Variants in ARFGEF1 observed in about 807,000 individuals in gnomAD.
The protein encoded by ARFGEF1 is brefeldin A-inhibited guanine nucleotide-exchange protein 1.
In ARFGEF1, 42 loss-of-function variants were observed where a neutral mutation model predicts 231.0. That is an observed-to-expected ratio of 0.18 (90% CI 0.14 to 0.24). The LOEUF (loss-of-function observed/expected upper bound fraction) is 0.24, where lower values mean the gene tolerates loss of function less well. Ranked by LOEUF, ARFGEF1 falls within the 10% of genes least tolerant of loss-of-function variation. The probability of loss-of-function intolerance (pLI) is 1.00; values close to 1 mark genes in which losing one functional copy is unlikely to be tolerated. For synonymous variants in ARFGEF1, 710 were observed against 732.3 expected, an observed-to-expected ratio of 0.97 and a Z score of 0.49; for missense variants, 1,345 against 2,192.0, an observed-to-expected ratio of 0.61 and a Z score of 7.72.
intron 5 of ARFGEF1, among the ~76,000 whole-genome samples, chr8:67,181,076 C>T (rs371300709): frequency 1.1e-4 from 17 of 151,564 alleles, no homozygotes; most frequent in South Asian, 6.2e-4. Flanking sequence ...CTTGCTCTGT[C>T]GCCCAGGCTG....
chr8:67,227,048 AT>A (rs1174111660), intron 27 of ARFGEF1, 88 bp downstream of exon 27: 2 of 1,256,656 alleles, frequency 1.6e-6, no homozygotes, highest in Non-Finnish European at 2.2e-6. Flanking sequence ...AAAGGCCATA[AT>A]CTTATTGTTA....
chr8:67,333,776 A>T (rs1256827765), intron 1 of ARFGEF1, among the ~76,000 whole-genome samples: 1 of 152,166 alleles, frequency 6.6e-6, no homozygotes, highest in Non-Finnish European at 1.5e-5. Flanking sequence ...AAAAATTCCG[A>T]ATCTCATCTC....
chr8:67,238,597 T>C lies in ARFGEF1; in HGVS notation c.3139-104A>G, dbSNP rs1352454951. The C allele has an allele frequency of 2.8e-6, 4 of 1,415,800 alleles. No individual in the cohort carries two copies. In the East Asian group the frequency reaches 9.7e-5, roughly 34 times the overall value. 87.7% of individuals were successfully genotyped at this position (1,415,800 alleles called of 1,614,324 possible). A position where few individuals can be genotyped will look rare whatever the true frequency, so the allele number is the denominator to read the frequency against. On this transcript the variant is annotated intron_variant, in intron 21 of 38. Coordinates refer to ENST00000262215, the MANE Select transcript of ARFGEF1 (RefSeq NM_006421.5). ...ACTTAAACACAGACTACACTATAGA[T>C]TATTTTAAAAAGCTAAACGTACTTA...
chr8:67,330,361 C>A (rs947577316), intron 1 of ARFGEF1, among the ~76,000 whole-genome samples: 3 of 152,058 alleles, frequency 2.0e-5, no homozygotes, highest in Admixed American at 6.6e-5. Flanking sequence ...AACAAAAGAA[C>A]CTTTCCTTCT....
intron 38 of ARFGEF1, chr8:67,199,948 T>C (rs1028847554): frequency 3.9e-6 from 1 of 259,528 alleles, no homozygotes; most frequent in Non-Finnish European, 7.8e-6. Flanking sequence ...GCCCATTCAC[T>C]AGGGACTCTG....
chr8:67,219,618 A>T, intron 29 of ARFGEF1, 58 bp from the exon 30 acceptor site: 10 of 1,512,262 alleles, frequency 6.6e-6, no homozygotes, highest in Non-Finnish European at 8.0e-6. Context: ...CTTCTCCTAA[A>T]ATAGTTTTTA....
chr8:67,222,645 T>C (rs1427024041), intron 29 of ARFGEF1, among the ~76,000 whole-genome samples: 1 of 152,060 alleles, frequency 6.6e-6, no homozygotes, highest in African/African-American at 2.4e-5. Context: ...GAGAAGGGGT[T>C]TCACCACGTT....
intron 34 of ARFGEF1, among the ~76,000 whole-genome samples, chr8:67,211,127 C>CTT (rs1838728538): frequency 6.8e-6 from 1 of 146,590 alleles, no homozygotes; most frequent in African/African-American, 2.5e-5. Flanking sequence ...GGGCAGATCA[C>CTT]AAGGTCAGGA....
At chr8:67,216,825 A>T (rs2128864665) in intron 32 of ARFGEF1, among the ~76,000 whole-genome samples, 163 bp from the exon 33 acceptor site, 1 of 152,262 alleles carries the variant, frequency 6.6e-6, no homozygotes, top group Admixed American at 6.5e-5. Flanking sequence ...ATCTAGTAAA[A>T]AGTTTAAAAT....
rs1338227170 is a variant in ARFGEF1 at position 67,343,443 on chromosome 8, G to A, written c.-156C>T. ...CAGCGGCAGGATCAGGAAGGGGCGG[G>A]CGAGCGGGACCAGCCGCGGTGTCGG... On this transcript the variant is annotated 5_prime_UTR_variant, in exon 1 of 39. Transcript: ENST00000262215. The A allele has an allele frequency of 3.6e-6, 5 of 1,374,604 alleles. No homozygotes were observed. Among genetic ancestry groups the A allele is most frequent in the Admixed American group, 5.5e-5 (2 of 36,492 alleles). 85.2% of individuals were successfully genotyped at this position (1,374,604 alleles called of 1,614,324 possible).
At chr8:67,286,815 C>T (rs898430144) in intron 7 of ARFGEF1, among the ~76,000 whole-genome samples, 3 of 152,274 alleles carry the variant, frequency 2.0e-5, no homozygotes, top group Middle Eastern at 3.4e-3. Flanking sequence ...TGACTCCCAT[C>T]TATAGCACCT....
At chr8:67,276,282 C>T (rs1402872465) in intron 8 of ARFGEF1, among the ~76,000 whole-genome samples, 173 bp from the exon 9 acceptor site, 6 of 152,046 alleles carry the variant, frequency 3.9e-5, no homozygotes. Context: ...CTCCACGGAC[C>T]ACACCCAACA....
chr8:67,325,937 C>T (rs1377688962), intron 1 of ARFGEF1, among the ~76,000 whole-genome samples: 2 of 152,186 alleles, frequency 1.3e-5, no homozygotes, highest in Admixed American at 6.5e-5. Flanking sequence ...AATCCCACCA[C>T]TTTGGAATCC....
At position 67,211,631 on chromosome 8, in the gene ARFGEF1, A is replaced by G. The variant is rs773111738; in HGVS notation, c.4687-16T>C. ...ATATTGTATCCTAATAAATAAAAAA[A>G]AAATCACTGTAAGTATGGTTAATAA... On this transcript the variant is annotated splice_polypyrimidine_tract_variant and intron_variant, in intron 33 of 38. Coordinates refer to ENST00000262215, the MANE Select transcript of ARFGEF1 (RefSeq NM_006421.5). The G allele has an allele frequency of 2.2e-5, 31 of 1,391,790 alleles. No homozygotes were observed. The Admixed American group carries it at 7.6e-4, about 34-fold the overall frequency. The allele number at this position is 1,391,790 out of a possible 1,614,324, so 86.2% of individuals were successfully genotyped here.
Position 67,238,488 on chromosome 8 carries a change from C to T in ARFGEF1, c.3144G>A (p.Leu1048=). The T allele has an allele frequency of 6.3e-7, 1 of 1,585,452 alleles. No individual in the cohort carries two copies. The highest frequency in any genetic ancestry group is 8.5e-7 in the Non-Finnish European group (1 of 1,172,952). Residue 1048 remains leucine, a synonymous_variant, in exon 22 of 39, where the codon CTG becomes CTA. Coordinates refer to ENST00000262215, the MANE Select transcript of ARFGEF1 (RefSeq NM_006421.5). The stretch of plus-strand genomic sequence containing the variant: ...CCAGCTCCAACTGACTGATGCACTT[C>T]AGAATCTTAATTACAAAAAGGAAAA... ...NYLGNSWHEI[L]KCISQLELAQ... is the part of the protein sequence containing the mutation.
intron 38 of ARFGEF1, chr8:67,199,390 A>C: frequency 3.8e-6 from 1 of 260,910 alleles, no homozygotes; most frequent in Non-Finnish European, 7.2e-6. Flanking sequence ...CAGGCAAGTG[A>C]GTACAAACTA....
intron 5 of ARFGEF1, 103 bp downstream of exon 5, chr8:67,296,328 C>A: frequency 1.9e-6 from 2 of 1,054,294 alleles, no homozygotes; most frequent in Non-Finnish European, 1.4e-6. Flanking sequence ...AAAAGACATT[C>A]TTTTCTACAG....
rs368452043 is a variant in ARFGEF1 at position 67,253,599 on chromosome 8, T to C, written c.2550A>G (p.Glu850=). 4.6e-6 allele frequency: 7 copies of C among 1,517,894 alleles called. No homozygotes were observed. Among genetic ancestry groups the C allele is most frequent in the Non-Finnish European group, 6.2e-6 (7 of 1,122,936 alleles). The allele number at this position is 1,517,894 out of a possible 1,614,324, so 94.0% of individuals were successfully genotyped here. The part of the protein sequence containing the change: ...SPQVKNKMTK[E]QYIKMNRGIN... ...TACCTCTATTCATCTTAATGTATTGTTCCTTTGTCATTTTATTTTTCACCT... is the reference window on the plus strand; with the variant it reads ...TACCTCTATTCATCTTAATGTATTGCTCCTTTGTCATTTTATTTTTCACCT... The change falls in exon 18 of 39, where the codon GAA becomes GAG. Residue 850 remains glutamate (E), a synonymous_variant. Transcript: ENST00000262215.
At chr8:67,289,362 T>G (rs1049783692) in intron 6 of ARFGEF1, among the ~76,000 whole-genome samples, 4 of 151,868 alleles carry the variant, frequency 2.6e-5, no homozygotes, top group African/African-American at 4.8e-5. Flanking sequence ...AAGACCAGCC[T>G]GGGCAACACA....
Sources: allele counts gnomAD v4.1 joint callset (sites outside exome capture counted in the v4.1 genomes callset), GRCh38; gene constraint gnomAD v4.1.1; transcripts MANE v1.5; gene names NCBI Gene and HGNC (gene_info 2026-07-23, HGNC 2026-07-21).